The following ATP8A2 variants were observed in gnomAD, a reference collection of about 807,000 sequenced individuals.
ATP8A2 encodes phospholipid-transporting ATPase IB.
In ATP8A2, 100 loss-of-function variants were observed where a neutral mutation model predicts 165.6. The ratio of observed to expected loss-of-function variants is 0.60; its 90% CI spans 0.51 to 0.71. ATP8A2 has a LOEUF of 0.71. Among genes scored for constraint, ATP8A2 ranks in the 30% least tolerant of loss-of-function variants. ATP8A2 has a pLI of 0.00. For synonymous variants in ATP8A2, 543 were observed against 548.8 expected (o/e 0.99, Z 0.15); for missense variants, 1,227 against 1,479.5 (o/e 0.83, Z 2.80).
intron 1 of ATP8A2, among the ~76,000 whole-genome samples, chr13:25,401,910 G>T (rs1215001310): frequency 6.6e-6 from 1 of 152,098 alleles, no homozygotes; most frequent in East Asian, 1.9e-4. Context: ...AGGCTGGAGT[G>T]CAGTGGCATG....
intron 2 of ATP8A2, among the ~76,000 whole-genome samples, chr13:25,481,846 G>C (rs747575535): frequency 6.6e-6 from 1 of 152,130 alleles, no homozygotes; most frequent in East Asian, 1.9e-4. Flanking sequence ...AGAGCTCTCT[G>C]TCTCTAATAA....
intron 1 of ATP8A2, among the ~76,000 whole-genome samples, chr13:25,420,848 T>C (rs2034278799): frequency 1.3e-5 from 2 of 152,264 alleles, no homozygotes; most frequent in African/African-American, 4.8e-5. Flanking sequence ...TACTCTGTTC[T>C]GTTCTTAGTA....
At chr13:25,965,496 A>C (rs1397306725) in intron 34 of ATP8A2, among the ~76,000 whole-genome samples, 1 of 152,216 alleles carries the variant, frequency 6.6e-6, no homozygotes, top group Non-Finnish European at 1.5e-5. Flanking sequence ...GCTACCTTTT[A>C]TTAAAATAAT....
At chr13:26,005,604 G>A (rs1253353812) in intron 35 of ATP8A2, among the ~76,000 whole-genome samples, 2 of 151,878 alleles carry the variant, frequency 1.3e-5, no homozygotes, top group Non-Finnish European at 2.9e-5. Context: ...TGCTTTTGCT[G>A]CAACCCATAA....
intron 36 of ATP8A2, among the ~76,000 whole-genome samples, chr13:26,019,614 C>T (rs1366350687): frequency 2.0e-5 from 3 of 152,250 alleles, no homozygotes; most frequent in African/African-American, 4.8e-5. Flanking sequence ...TGAGCTCAGC[C>T]GCAGCCCCCT....
chr13:25,765,928 G>A (rs557518488), intron 25 of ATP8A2, among the ~76,000 whole-genome samples: 2 of 152,294 alleles, frequency 1.3e-5, no homozygotes, highest in South Asian at 4.2e-4. Flanking sequence ...GCAGTGTGAA[G>A]TGGCCAAGCC....
At chr13:25,988,957 A>G (rs1956327543) in intron 35 of ATP8A2, among the ~76,000 whole-genome samples, 1 of 152,202 alleles carries the variant, frequency 6.6e-6, no homozygotes, top group African/African-American at 2.4e-5. Context: ...ACCTGCATCC[A>G]CTTTATTCTT....
chr13:25,801,786 T>A (rs1269604803), intron 27 of ATP8A2, among the ~76,000 whole-genome samples: 1 of 152,082 alleles, frequency 6.6e-6, no homozygotes, highest in Non-Finnish European at 1.5e-5. Flanking sequence ...AGGAAAGAGG[T>A]TTAATTGACT....
At chr13:25,403,498 G>A (rs112163332) in intron 1 of ATP8A2, among the ~76,000 whole-genome samples, 2,100 of 152,268 alleles carry the variant, frequency 0.014, 61 homozygotes, top group African/African-American at 0.047. Context: ...ATTCTTTAAA[G>A]AGAGAATTCA....
chr13:25,434,406 A>G (rs892798769), intron 1 of ATP8A2, among the ~76,000 whole-genome samples: 4 of 151,618 alleles, frequency 2.6e-5, no homozygotes, highest in Non-Finnish European at 5.9e-5. Context: ...TGGAGTGCAA[A>G]GGCGTTATCT....
intron 10 of ATP8A2, among the ~76,000 whole-genome samples, chr13:25,550,157 T>C (rs2038775137): frequency 6.6e-6 from 1 of 151,776 alleles, no homozygotes; most frequent in Non-Finnish European, 1.5e-5. Flanking sequence ...ATACAAAAAA[T>C]TAGTCGGGCG....
At chr13:25,776,935 C>A (rs753907604) in intron 27 of ATP8A2, among the ~76,000 whole-genome samples, 1 of 151,774 alleles carries the variant, frequency 6.6e-6, no homozygotes, top group South Asian at 2.1e-4. Context: ...CCCCTAGGGC[C>A]CCTTCTTAGT....
intron 27 of ATP8A2, among the ~76,000 whole-genome samples, chr13:25,811,220 G>A (rs1168914989): frequency 1.3e-5 from 2 of 152,122 alleles, no homozygotes; most frequent in Admixed American, 6.5e-5. Flanking sequence ...TGTGTGAAAG[G>A]CACTTGGCAA....
At chr13:25,457,995 TGACCA>T (rs1171508046) in intron 1 of ATP8A2, among the ~76,000 whole-genome samples, 2 of 152,348 alleles carry the variant, frequency 1.3e-5, no homozygotes, top group African/African-American at 4.8e-5. Flanking sequence ...TGGGTTCATA[TGACCA>T]GTGATTGTAA....
At chr13:25,636,409 A>T (rs1215689938) in intron 24 of ATP8A2, among the ~76,000 whole-genome samples, 2 of 152,148 alleles carry the variant, frequency 1.3e-5, no homozygotes, top group African/African-American at 2.4e-5. Context: ...TATCCTCGGG[A>T]TAGAATCCTA....
Position 25,671,357 on chromosome 13 carries a change from A to G in ATP8A2, c.2212-27816A>G, listed in dbSNP as rs928212733. ...CAGTATGAAATCTGGGCACCTTGAA[A>G]AAAGAACAGGATAACAGCAATTGTT... On this transcript the variant is annotated intron_variant, in intron 24 of 36. Transcript: ENST00000381655. 6.6e-5 allele frequency among the ~76,000 whole-genome samples: 10 copies of G among 152,212 alleles called. 1 individual carries two copies. The highest frequency in any genetic ancestry group is 2.0e-4 in the Admixed American group (3 of 15,284).
chr13:25,546,482 G>C (rs1477063405), intron 10 of ATP8A2, among the ~76,000 whole-genome samples: 2 of 150,846 alleles, frequency 1.3e-5, no homozygotes, highest in Non-Finnish European at 2.9e-5. Context: ...TGACCACAGA[G>C]AGGAAACTCA....
intron 25 of ATP8A2, among the ~76,000 whole-genome samples, chr13:25,709,672 T>C (rs2043121907): frequency 6.6e-6 from 1 of 152,176 alleles, no homozygotes; most frequent in Admixed American, 6.5e-5. Context: ...TGGGAACAAG[T>C]TTAACAATAA....
chr13:25,866,753 T>A (rs1177256121), intron 33 of ATP8A2, among the ~76,000 whole-genome samples: 1 of 152,188 alleles, frequency 6.6e-6, no homozygotes, highest in Admixed American at 6.5e-5. Flanking sequence ...ATTCTTCCCT[T>A]TAAAGTGTGA....
Sources: gnomAD v4.1 joint callset for allele counts (sites outside exome capture counted in the v4.1 genomes callset) on GRCh38, gnomAD v4.1.1 for gene constraint, MANE v1.5 for transcripts, NCBI Gene and HGNC (gene_info 2026-07-23, HGNC 2026-07-21) for gene names.